TET2: variants seen among roughly 807,000 people sequenced by gnomAD.
TET2 encodes methylcytosine dioxygenase TET2.
A neutral mutation model predicts 142.9 loss-of-function variants in TET2; 299 were observed. The ratio of observed to expected loss-of-function variants is 2.09; its 90% CI spans 1.90 to 2.30. The LOEUF (loss-of-function observed/expected upper bound fraction) is 2.30, where lower values mean the gene tolerates loss of function less well. Among genes scored for constraint, TET2 ranks in the 30% most tolerant of loss-of-function variants. The pLI is 0.00. For missense variants in TET2, 2,418 were observed against 2,378.0 expected (o/e 1.02, Z -0.35); for synonymous variants, 819 against 849.0 (o/e 0.96, Z 0.61).
chr4:105,212,528 G>C (rs913720935), intron 2 of TET2, among the ~76,000 whole-genome samples: 13 of 151,912 alleles, frequency 8.6e-5, no homozygotes, highest in African/African-American at 3.1e-4. Flanking sequence ...TTAAACTAGA[G>C]TAAAATCATT....
intron 1 of TET2, among the ~76,000 whole-genome samples, chr4:105,187,156 A>G (rs1462161940): frequency 6.6e-6 from 1 of 152,190 alleles, no homozygotes; most frequent in African/African-American, 2.4e-5. Context: ...AACCACAAGC[A>G]CCACCTTGGT....
In TET2 at chr4:105,239,075, T is replaced by TTTTTTTGTTG. The variant is rs1235088703; in HGVS notation, c.3409+1730_3409+1731insGTTGTTTTTT. 6.2e-5 allele frequency: 5 copies of TTTTTTTGTTG among 80,850 alleles called. No homozygotes were observed. In the African/African-American group the frequency reaches 7.2e-4, roughly 12 times the overall value. The allele number at this position is 80,850 out of a possible 1,614,324, so 5.0% of individuals were successfully genotyped here. A position where few individuals can be genotyped will look rare whatever the true frequency, so the allele number is the denominator to read the frequency against. On this transcript the variant is annotated intron_variant, in intron 3 of 10. Transcript: ENST00000380013. ...AAGGAGGTTTTGGTTTTGTTTTTTG[T>TTTTTTTGTTG]TTTTTTTTTTTGTTTTTTAGCAGTA...
In TET2 at chr4:105,234,764, C is replaced by G. The variant is rs1294015818; in HGVS notation, c.822C>G (p.Ile274Met). ...ACCCATCGCATACCTCAGGGCAGAT[C>G]AATTCCGCACAGACCTCTAACTCTG... ...ITHPSHTSGQ[I>M]NSAQTSNSEL... Residue 274 changes from isoleucine to methionine, a missense_variant, in exon 3 of 11, where the codon ATC (isoleucine) becomes ATG (methionine). Ile to Met is a conservative substitution (Grantham distance 10, BLOSUM62 1). Coordinates refer to ENST00000380013, the MANE Select transcript of TET2 (RefSeq NM_001127208.3). The G allele has an allele frequency of 2.5e-6, 4 of 1,613,732 alleles. No homozygotes were observed. The highest frequency in any genetic ancestry group is 3.3e-5 in the Admixed American group (2 of 59,970).
chr4:105,255,414 T>C (rs1239776953), intron 6 of TET2, among the ~76,000 whole-genome samples: 1 of 152,242 alleles, frequency 6.6e-6, no homozygotes, highest in Non-Finnish European at 1.5e-5. Context: ...CAGTCCATCC[T>C]GGAGAATGTT....
intron 2 of TET2, among the ~76,000 whole-genome samples, chr4:105,195,815 G>A (rs1298874083): frequency 6.6e-6 from 1 of 152,138 alleles, no homozygotes; most frequent in Non-Finnish European, 1.5e-5. Flanking sequence ...TATGTGCGTA[G>A]CAATTTTGTA....
chr4:105,189,569 C>G (rs1194723217), intron 1 of TET2, among the ~76,000 whole-genome samples: 1 of 152,192 alleles, frequency 6.6e-6, no homozygotes, highest in Admixed American at 6.5e-5. Flanking sequence ...CCTCTTTTCT[C>G]TCTGCCCTTG....
chr4:105,271,002 T>G (rs113422601), intron 9 of TET2, among the ~76,000 whole-genome samples: 57 of 152,332 alleles, frequency 3.7e-4, no homozygotes, highest in African/African-American at 1.2e-3. Flanking sequence ...TAATTTAATG[T>G]TCTAGATCAG....
intron 1 of TET2, among the ~76,000 whole-genome samples, chr4:105,175,495 A>G (rs1272361080): frequency 6.6e-6 from 1 of 152,186 alleles, no homozygotes; most frequent in Non-Finnish European, 1.5e-5. Context: ...TTTGAAGTTA[A>G]GGATATGATA....
intron 8 of TET2, among the ~76,000 whole-genome samples, chr4:105,265,421 A>G (rs1037899247): frequency 2.6e-5 from 4 of 152,234 alleles, no homozygotes; most frequent in Admixed American, 1.3e-4. Flanking sequence ...TAATTCATTC[A>G]CAAAATCCTG....
chr4:105,179,719 GGTGACCTGT>G (rs1243522204), intron 1 of TET2, among the ~76,000 whole-genome samples: 2 of 152,138 alleles, frequency 1.3e-5, no homozygotes, highest in Non-Finnish European at 2.9e-5. Flanking sequence ...TGGCTCTCTA[GGTGACCTGT>G]GTACCCTGAC....
In TET2 at chr4:105,193,058, C is replaced by T. The variant is rs1413043275; in HGVS notation, c.-47+2553C>T. On this transcript the variant is annotated intron_variant, in intron 2 of 10. Coordinates refer to ENST00000380013, the MANE Select transcript of TET2 (RefSeq NM_001127208.3). ...ACATCAGTAAATATTTACACATACA[C>T]TTAAGTAAGTGATATGGACAAGAAC... Among the ~76,000 whole-genome samples, 5 of 152,138 alleles carry T rather than the reference C, an allele frequency of 3.3e-5. No individual in the cohort carries two copies. The East Asian group carries it at 9.6e-4, about 29-fold the overall frequency.
chr4:105,153,866 A>T (rs1723434141), intron 1 of TET2, among the ~76,000 whole-genome samples: 1 of 152,232 alleles, frequency 6.6e-6, no homozygotes, highest in African/African-American at 2.4e-5. Flanking sequence ...CCAAATGTTC[A>T]TTACAGCATT....
At position 105,233,942 on chromosome 4, in the gene TET2, G is replaced by C. The variant is rs1391966054; in HGVS notation, c.-1G>C. 1 of 1,609,342 alleles carries C rather than the reference G, an allele frequency of 6.2e-7. No individual in the cohort carries two copies. The highest frequency in any genetic ancestry group is 1.1e-5 in the South Asian group (1 of 89,750). ...TTGTGGATGGCCCCGAAGCAAGCCT[G>C]ATGGAACAGGATAGAACCAACCATG... is the stretch of plus-strand genomic sequence containing the variant. On this transcript the variant is annotated 5_prime_UTR_variant, in exon 3 of 11. Transcript: ENST00000380013.
intron 1 of TET2, among the ~76,000 whole-genome samples, chr4:105,179,616 G>A (rs948893928): frequency 6.6e-6 from 1 of 152,182 alleles, no homozygotes; most frequent in Middle Eastern, 3.2e-3. Flanking sequence ...GGAAATGAGT[G>A]CTTATAATAG....
intron 2 of TET2, among the ~76,000 whole-genome samples, chr4:105,216,889 A>G (rs918733311): frequency 6.6e-6 from 1 of 152,100 alleles, no homozygotes; most frequent in African/African-American, 2.4e-5. Flanking sequence ...TGAATTTATG[A>G]TATTTCCTAG....
chr4:105,239,498 C>T (rs532341259), intron 3 of TET2: 1 of 239,224 alleles, frequency 4.2e-6, no homozygotes, highest in South Asian at 1.8e-4. Context: ...AGCTGCGCTT[C>T]TTAAACTTTA....
chr4:105,162,614 C>T (rs1723910198), intron 1 of TET2, among the ~76,000 whole-genome samples: 1 of 152,188 alleles, frequency 6.6e-6, no homozygotes, highest in Non-Finnish European at 1.5e-5. Flanking sequence ...TCTTTCATAA[C>T]CAAGCTGACT....
chr4:105,173,528 C>T (rs1578558560), intron 1 of TET2, among the ~76,000 whole-genome samples: 2 of 151,960 alleles, frequency 1.3e-5, no homozygotes, highest in East Asian at 3.9e-4. Context: ...GGGAGACTCT[C>T]TCTCAAACAA....
At chr4:105,267,126 T>A (rs1396323488) in intron 8 of TET2, among the ~76,000 whole-genome samples, 1 of 151,466 alleles carries the variant, frequency 6.6e-6, no homozygotes, top group Non-Finnish European at 1.5e-5. Flanking sequence ...CACCCAGAAA[T>A]ATATAACCAA....
Sources: allele counts gnomAD v4.1 joint callset (sites outside exome capture counted in the v4.1 genomes callset), GRCh38; gene constraint gnomAD v4.1.1; transcripts MANE v1.5; gene names NCBI Gene and HGNC (gene_info 2026-07-23, HGNC 2026-07-21).